The following ABCA12 variants were observed in gnomAD, a reference collection of about 807,000 sequenced individuals.
ABCA12 encodes the protein glucosylceramide transporter ABCA12.
In ABCA12, 156 loss-of-function variants were observed where a neutral mutation model predicts 293.5. That is an observed-to-expected ratio of 0.53 (90% CI 0.47 to 0.61). The LOEUF is 0.61. ABCA12 is among the 20% of genes least tolerant of loss of function. The probability of loss-of-function intolerance (pLI) is 0.00; values close to 1 mark genes in which losing one functional copy is unlikely to be tolerated. For synonymous variants in ABCA12, 1,063 were observed against 1,108.0 expected, an observed-to-expected ratio of 0.96 and a Z score of 0.81; for missense variants, 2,797 against 3,090.2, an observed-to-expected ratio of 0.91 and a Z score of 2.25.
At chr2:214,972,272 T>C (rs569338638) in intron 36 of ABCA12, among the ~76,000 whole-genome samples, 337 of 152,334 alleles carry the variant, frequency 2.2e-3, no homozygotes, top group Non-Finnish European at 3.7e-3. Context: ...TTATCCATAT[T>C]GTATGTCTGG....
chr2:215,049,726 G>C lies in ABCA12; in HGVS notation c.593C>G (p.Ser198Cys). 1 of 1,613,692 alleles carries C rather than the reference G, an allele frequency of 6.2e-7. No individual in the cohort carries two copies. The highest frequency in any genetic ancestry group is 8.5e-7 in the Non-Finnish European group (1 of 1,179,762). Residue 198 changes from serine (S) to cysteine (C), a missense_variant, in exon 6 of 53, where the codon TCT (serine) becomes TGT (cysteine). Coordinates refer to ENST00000272895, the MANE Select transcript of ABCA12 (RefSeq NM_173076.3). ...AACATTTCTTCCTAGAAAGGTCCAAGAGAAGGCATCATCCACAATGTATCC... is the reference window on the plus strand; with the variant it reads ...AACATTTCTTCCTAGAAAGGTCCAACAGAAGGCATCATCCACAATGTATCC... Reference protein sequence around the residue: ...YSGYIVDDAFSWTFLGRNVFN... With the variant: ...YSGYIVDDAFCWTFLGRNVFN...
chr2:215,075,372 G>C, intron 2 of ABCA12: 1 of 517,338 alleles, frequency 1.9e-6, no homozygotes, highest in Non-Finnish European at 3.4e-6. Flanking sequence ...TGCCCTTCTA[G>C]TAACCTGAGC....
At chr2:215,111,565 A>C in intron 2 of ABCA12, 32 bp downstream of exon 2, 2 of 1,545,900 alleles carry the variant, frequency 1.3e-6, no homozygotes, top group Non-Finnish European at 1.8e-6. Flanking sequence ...GAATCCAAAA[A>C]TTAAGGAAAT....
chr2:215,049,697 T>TA lies in ABCA12; in HGVS notation c.621dup (p.Asn208Ter). The TA allele has an allele frequency of 6.2e-7, 1 of 1,613,678 alleles. No homozygotes were observed. Among genetic ancestry groups the TA allele is most frequent in the Non-Finnish European group, 8.5e-7 (1 of 1,179,768 alleles). Reference sequence around the variant, plus strand: ...GTCATGTTAGAAAGGCAAAATTTGTTAAAAACATTTCTTCCTAGAAAGGTC... The same window carrying TA: ...GTCATGTTAGAAAGGCAAAATTTGTTAAAAAACATTTCTTCCTAGAAAGGTC... On this transcript the variant is annotated frameshift_variant, in exon 6 of 53. Transcript: ENST00000272895. LOFTEE classifies it high-confidence loss of function.
chr2:214,937,365 A>T, intron 51 of ABCA12, 145 bp downstream of exon 51: 2 of 575,200 alleles, frequency 3.5e-6, no homozygotes, highest in Non-Finnish European at 3.1e-6. Flanking sequence ...TGCCCAGCTA[A>T]TTTTTGTATT....
intron 39 of ABCA12, among the ~76,000 whole-genome samples, chr2:214,959,819 G>T (rs1020693638): frequency 6.6e-6 from 1 of 152,134 alleles, no homozygotes; most frequent in African/African-American, 2.4e-5. Context: ...TTCCTTAGGG[G>T]ACCTTGGTTA....
At chr2:215,059,019 G>C (rs1367121992) in intron 3 of ABCA12, among the ~76,000 whole-genome samples, 1 of 151,962 alleles carries the variant, frequency 6.6e-6, no homozygotes, top group Non-Finnish European at 1.5e-5. Context: ...GGTACTGTGT[G>C]CCATGGCATA....
chr2:215,048,181 G>C (rs1166675229), intron 6 of ABCA12, among the ~76,000 whole-genome samples: 2 of 152,130 alleles, frequency 1.3e-5, no homozygotes, highest in East Asian at 3.9e-4. Flanking sequence ...TGCTGGTGAG[G>C]TTACAGAGAA....
At chr2:215,057,901 A>C (rs1300094875) in intron 3 of ABCA12, among the ~76,000 whole-genome samples, 2 of 152,058 alleles carry the variant, frequency 1.3e-5, no homozygotes, top group Non-Finnish European at 2.9e-5. Flanking sequence ...CGTACCTACC[A>C]TATTCATTCA....
Position 214,990,762 on chromosome 2 carries a change from A to C in ABCA12, c.3564T>G (p.Phe1188Leu), listed in dbSNP as rs759996095. 1.7e-5 allele frequency: 28 copies of C among 1,614,044 alleles called. No homozygotes were observed. The highest frequency in any genetic ancestry group is 2.4e-5 in the Non-Finnish European group (28 of 1,180,000). Residue 1188 changes from phenylalanine to leucine, a missense_variant, in exon 24 of 53, where the codon TTT becomes TTG. This residue lies in a region of ABCA12 where 2,130 missense variants were observed against 2,427.0 expected (regional missense o/e 0.88). Transcript: ENST00000272895. ...CCACTGTAACCAGAACAATAAATGG[A>C]AAGAAGGCAATGATGTAGATGAGGC... The part of the protein sequence containing the change: ...IGSLIYIIAF[F>L]PFIVLVTVEN...
At chr2:215,112,103 G>A (rs1056873412) in intron 1 of ABCA12, among the ~76,000 whole-genome samples, 44 of 152,076 alleles carry the variant, frequency 2.9e-4, no homozygotes, top group Admixed American at 2.4e-3. Flanking sequence ...GCCTATTTTA[G>A]CCCTTTCAAT....
At chr2:214,933,104 GC>G (rs1403747622) in intron 52 of ABCA12, among the ~76,000 whole-genome samples, 1 of 152,098 alleles carries the variant, frequency 6.6e-6, no homozygotes, top group Admixed American at 6.6e-5. Flanking sequence ...CCAGCCCTGT[GC>G]CCTTATTGAA....
At chr2:214,940,359 G>A (rs573859140) in intron 50 of ABCA12, among the ~76,000 whole-genome samples, 14 of 152,248 alleles carry the variant, frequency 9.2e-5, no homozygotes, top group East Asian at 3.9e-4. Flanking sequence ...AGCTGGATTC[G>A]GTTTGCCAGT....
intron 8 of ABCA12, among the ~76,000 whole-genome samples, chr2:215,033,554 T>C (rs1454829631): frequency 6.6e-6 from 1 of 152,226 alleles, no homozygotes; most frequent in Non-Finnish European, 1.5e-5. Flanking sequence ...AGAAATACTA[T>C]ACTAAACAGT....
At chr2:215,081,492 AGAAAAAGAAAAAAG>A (rs1701937854) in intron 2 of ABCA12, among the ~76,000 whole-genome samples, 1 of 54,058 alleles carries the variant, frequency 1.8e-5, no homozygotes, top group African/African-American at 7.1e-5. Context: ...AAAAAAAAAA[AGAAAAAGAAAAAAG>A]AAAAAGAAAA....
chr2:215,060,949 A>C (rs1403827), intron 3 of ABCA12, among the ~76,000 whole-genome samples: 89,713 of 151,310 alleles, frequency 0.59, 26,935 homozygotes, highest in East Asian at 0.68. Flanking sequence ...TCCACAGAGG[A>C]AACTGCCCCC....
At chr2:215,106,992 G>C (rs1161686411) in intron 2 of ABCA12, among the ~76,000 whole-genome samples, 1 of 152,076 alleles carries the variant, frequency 6.6e-6, no homozygotes, top group Middle Eastern at 3.2e-3. Flanking sequence ...AGATAGTTGG[G>C]GCTTAATGTA....
At chr2:214,959,523 T>A (rs1348835836) in intron 39 of ABCA12, among the ~76,000 whole-genome samples, 2 of 152,158 alleles carry the variant, frequency 1.3e-5, no homozygotes, top group Non-Finnish European at 2.9e-5. Context: ...ACTTCCCCCA[T>A]CCCTCTTTAG....
chr2:214,960,809 T>C (rs994946295), intron 39 of ABCA12, among the ~76,000 whole-genome samples: 35 of 152,124 alleles, frequency 2.3e-4, no homozygotes, highest in African/African-American at 8.2e-4. Context: ...AAGAGCCTAG[T>C]TGTATAACAT....
Sources: allele counts gnomAD v4.1 joint callset (sites outside exome capture counted in the v4.1 genomes callset), GRCh38; gene constraint gnomAD v4.1.1; regional missense constraint gnomAD v4.1.1; transcripts MANE v1.5; gene names NCBI Gene and HGNC (gene_info 2026-07-23, HGNC 2026-07-21).